The following KIT variants were observed in gnomAD, a reference collection of about 807,000 sequenced individuals.
The protein encoded by KIT is mast/stem cell growth factor receptor Kit.
A neutral mutation model predicts 105.7 loss-of-function variants in KIT; 16 were observed. That is an observed-to-expected ratio of 0.15 (90% CI 0.10 to 0.23). The LOEUF (loss-of-function observed/expected upper bound fraction) is 0.23. Among genes scored for constraint, KIT ranks in the 10% least tolerant of loss-of-function variants. KIT has a pLI of 1.00. For missense variants in KIT, 858 were observed against 1,213.8 expected, an observed-to-expected ratio of 0.71 and a Z score of 4.36; for synonymous variants, 438 against 441.1, an observed-to-expected ratio of 0.99 and a Z score of 0.09.
chr4:54,676,966 C>A, intron 1 of KIT, among the ~76,000 whole-genome samples: 1 of 152,118 alleles, frequency 6.6e-6, no homozygotes, highest in East Asian at 1.9e-4. Flanking sequence ...TCAGATCAGC[C>A]CTCATTGTAC....
Position 54,739,510 on chromosome 4 carries a change from C to A in KIT, c.*953C>A. On this transcript the variant is annotated 3_prime_UTR_variant, in exon 21 of 21. Coordinates refer to ENST00000288135, the MANE Select transcript of KIT (RefSeq NM_000222.3). Reference sequence around the variant, plus strand: ...GGCATTGTACTCAATGGATTTGATGCTGTTTGACAAAGTTACTGATTCACT... The same window carrying A: ...GGCATTGTACTCAATGGATTTGATGATGTTTGACAAAGTTACTGATTCACT... 1 of 233,488 alleles carries A rather than the reference C, an allele frequency of 4.3e-6. No homozygotes were observed. The highest frequency in any genetic ancestry group is 8.5e-6 in the Non-Finnish European group (1 of 117,886). 14.5% of individuals were successfully genotyped at this position (233,488 alleles called of 1,614,324 possible).
rs758252647 is a variant in KIT, at chr4:54,731,901, C to T, written c.2264C>T (p.Ala755Val). ...TACATAGAAAGAGATGTGACTCCCG[C>T]CATCATGGAGGATGACGAGTTGGCC... ...GSYIERDVTPAIMEDDELALD... is the reference protein window; with the variant it reads ...GSYIERDVTPVIMEDDELALD... The change falls in exon 16 of 21, where the codon GCC becomes GTC. Residue 755 changes from alanine to valine, a missense_variant. Physicochemically the swap from Ala to Val is moderately conservative, Grantham distance 64. This residue lies in a region of KIT where 158 missense variants were observed against 218.7 expected (regional missense o/e 0.72). Coordinates refer to ENST00000288135, the MANE Select transcript of KIT (RefSeq NM_000222.3). The T allele has an allele frequency of 1.3e-5, 21 of 1,613,386 alleles. No individual in the cohort carries two copies. Among genetic ancestry groups the T allele is most frequent in the Non-Finnish European group, 1.8e-5 (21 of 1,179,540 alleles).
chr4:54,725,893 A>G lies in KIT; in HGVS notation c.1383A>G (p.Thr461=), dbSNP rs151016327. The part of the protein sequence containing the change: ...SASVLPVDVQ[T]LNSSGPPFGK... ...CTGTACTGCCAGTGGATGTGCAGAC[A>G]CTAAACTCATCTGGGCCACCGTTTG... Residue 461 remains threonine (T), a synonymous_variant, in exon 9 of 21, where the codon ACA becomes ACG. Coordinates refer to ENST00000288135, the MANE Select transcript of KIT (RefSeq NM_000222.3). 4,186 of 1,614,102 alleles carry G rather than the reference A, an allele frequency of 2.6e-3. 17 individuals carry two copies. Among genetic ancestry groups the G allele is most frequent in the Non-Finnish European group, 2.6e-3 (3,071 of 1,179,992 alleles).
chr4:54,708,989 G>A (rs1037913911), intron 6 of KIT, among the ~76,000 whole-genome samples: 3 of 152,162 alleles, frequency 2.0e-5, no homozygotes, highest in African/African-American at 7.2e-5. Flanking sequence ...TGTGGACCTC[G>A]CTGAGGGCCC....
At chr4:54,724,311 A>C (rs1341894544) in intron 8 of KIT, among the ~76,000 whole-genome samples, 2 of 152,198 alleles carry the variant, frequency 1.3e-5, no homozygotes, top group African/African-American at 2.4e-5. Flanking sequence ...ATCAATTGCT[A>C]TTTTATGCTC....
chr4:54,678,559 A>G (rs1718684026), intron 1 of KIT, among the ~76,000 whole-genome samples: 1 of 152,126 alleles, frequency 6.6e-6, no homozygotes, highest in Non-Finnish European at 1.5e-5. Flanking sequence ...ATAGATGTCA[A>G]AACTGAAGTT....
chr4:54,703,647 A>G, intron 4 of KIT, 77 bp from the exon 5 acceptor site: 1 of 1,247,408 alleles, frequency 8.0e-7, no homozygotes. Flanking sequence ...TGCTATTTTT[A>G]ATTTATCTAG....
chr4:54,710,785 C>T (rs1721104375), intron 7 of KIT, among the ~76,000 whole-genome samples: 1 of 152,182 alleles, frequency 6.6e-6, no homozygotes, highest in Non-Finnish European at 1.5e-5. Flanking sequence ...CAAGTGATCA[C>T]CTGCTTCAGC....
At chr4:54,671,224 A>G (rs751864843) in intron 1 of KIT, among the ~76,000 whole-genome samples, 1 of 152,150 alleles carries the variant, frequency 6.6e-6, no homozygotes, top group Non-Finnish European at 1.5e-5. Context: ...AACTGACACC[A>G]TTGCATTCCT....
rs2109802247 is a variant in KIT at position 54,733,210 on chromosome 4, G to A, written c.2484+18G>A. ...AAGGAAACGTGAGTACCCATTCTCT[G>A]CTTGACAGTCCTGCAAAGGATTTTT... On this transcript the variant is annotated intron_variant, in intron 17 of 20. Transcript: ENST00000288135. 1 of 1,610,718 alleles carries A rather than the reference G, an allele frequency of 6.2e-7. No individual in the cohort carries two copies. Among genetic ancestry groups the A allele is most frequent in the Non-Finnish European group, 8.5e-7 (1 of 1,177,840 alleles).
At chr4:54,701,545 A>G (rs570250517) in intron 4 of KIT, among the ~76,000 whole-genome samples, 1 of 152,278 alleles carries the variant, frequency 6.6e-6, no homozygotes, top group South Asian at 2.1e-4. Context: ...TAATGCCTCT[A>G]AACCCTCACA....
chr4:54,706,949 A>C lies in KIT; in HGVS notation c.926-149A>C, dbSNP rs561128217. ...GACAGTGATTCTACAAGAGCAAAAT[A>C]AAATGAAAAACAGCTAGTTAAAATT... On this transcript the variant is annotated intron_variant, in intron 5 of 20. Transcript: ENST00000288135. The C allele has an allele frequency of 8.3e-6, 5 of 602,370 alleles. No individual in the cohort carries two copies. In the African/African-American group the frequency reaches 9.3e-5, roughly 11 times the overall value. The allele number at this position is 602,370 out of a possible 1,614,324, so 37.3% of individuals were successfully genotyped here.
At chr4:54,724,221 C>T (rs1722077590) in intron 8 of KIT, among the ~76,000 whole-genome samples, 1 of 152,212 alleles carries the variant, frequency 6.6e-6, no homozygotes, top group Admixed American at 6.5e-5. Flanking sequence ...GCTTGCCCCT[C>T]ACCATCCACA....
At chr4:54,730,174 G>A (rs1410402858) in intron 14 of KIT, among the ~76,000 whole-genome samples, 2 of 151,956 alleles carry the variant, frequency 1.3e-5, no homozygotes, top group East Asian at 3.9e-4. Context: ...TTCTTTCTTT[G>A]GAAATGCTCT....
rs571743409 is a variant in KIT at position 54,721,604 on chromosome 4, CAGGT to C, written c.1232-1979_1232-1976del. The stretch of plus-strand genomic sequence containing the variant: ...TCATCAGCAGGGCCAGGTTGAGTGA[CAGGT>C]GGGTGTGTCATGCATGTGGATACTC... On this transcript the variant is annotated intron_variant, in intron 7 of 20. Coordinates refer to ENST00000288135, the MANE Select transcript of KIT (RefSeq NM_000222.3). 3.5e-3 allele frequency among the ~76,000 whole-genome samples: 540 copies of C among 152,274 alleles called. 5 individuals carry two copies. The highest frequency in any genetic ancestry group is 0.012 in the African/African-American group (514 of 41,558).
rs569408054 is a variant in KIT at position 54,727,230 on chromosome 4, C to T, written c.1553C>T (p.Pro518Leu). The change falls in exon 10 of 21, where the codon CCC becomes CTC. Residue 518 changes from proline to leucine, a missense_variant. Around this residue, in one of 7 missense-constraint regions of KIT, gnomAD observed 78 missense variants for 77.6 expected, o/e 1.01. Transcript: ENST00000288135. ...FKGNNKEQIHPHTLFTPLLIG... is the reference protein window; with the variant it reads ...FKGNNKEQIHLHTLFTPLLIG... Reference sequence around the variant, plus strand: ...TCTTCCATTGTAGAGCAAATCCATCCCCACACCCTGTTCACTCCTTTGCTG... The same window carrying T: ...TCTTCCATTGTAGAGCAAATCCATCTCCACACCCTGTTCACTCCTTTGCTG... The T allele has an allele frequency of 4.3e-6, 7 of 1,613,932 alleles. No individual in the cohort carries two copies. The highest frequency in any genetic ancestry group is 5.9e-6 in the Non-Finnish European group (7 of 1,179,868).
intron 1 of KIT, among the ~76,000 whole-genome samples, chr4:54,673,333 C>T (rs1377079749): frequency 6.6e-6 from 1 of 152,198 alleles, no homozygotes; most frequent in East Asian, 1.9e-4. Flanking sequence ...ATCCTTTTAA[C>T]CGCGTCATAA....
At chr4:54,678,066 C>T (rs968383670) in intron 1 of KIT, among the ~76,000 whole-genome samples, 1 of 152,068 alleles carries the variant, frequency 6.6e-6, no homozygotes, top group African/African-American at 2.4e-5. Context: ...CTATCGTAAA[C>T]GTCTGCTAGA....
At chr4:54,659,589 G>T (rs1458443731) in intron 1 of KIT, among the ~76,000 whole-genome samples, 1 of 152,110 alleles carries the variant, frequency 6.6e-6, no homozygotes, top group Non-Finnish European at 1.5e-5. Flanking sequence ...TTTCCTGTGG[G>T]GGGCAGAGAG....
Sources: gnomAD v4.1 joint callset for allele counts (sites outside exome capture counted in the v4.1 genomes callset) on GRCh38, gnomAD v4.1.1 for gene constraint, gnomAD v4.1.1 regional missense constraint, MANE v1.5 for transcripts, NCBI Gene and HGNC (gene_info 2026-07-23, HGNC 2026-07-21) for gene names.